Variants in NPAS3 observed in about 807,000 individuals in gnomAD.
The protein encoded by NPAS3 is neuronal PAS domain-containing protein 3.
A neutral mutation model predicts 73.1 loss-of-function variants in NPAS3; 14 were observed. The ratio of observed to expected loss-of-function variants is 0.19; its 90% CI spans 0.13 to 0.30. The LOEUF is 0.30. NPAS3 is among the 10% of genes least tolerant of loss of function. The pLI, the probability that NPAS3 is intolerant of heterozygous loss-of-function variation, is 1.00. For missense variants in NPAS3, 1,096 were observed against 1,250.0 expected, an observed-to-expected ratio of 0.88 and a Z score of 1.86; for synonymous variants, 620 against 541.5, an observed-to-expected ratio of 1.14 and a Z score of -2.01.
At chr14:33,658,875 G>A (rs544970054) in intron 5 of NPAS3, among the ~76,000 whole-genome samples, 6 of 151,976 alleles carry the variant, frequency 3.9e-5, no homozygotes, top group Non-Finnish European at 4.4e-5. Context: ...TATGCCGTAC[G>A]TTTGATTCTA....
chr14:33,394,632 G>T (rs2047146167), intron 4 of NPAS3, among the ~76,000 whole-genome samples: 1 of 152,018 alleles, frequency 6.6e-6, no homozygotes, highest in Non-Finnish European at 1.5e-5. Flanking sequence ...ATGTTAGCAG[G>T]ATCTACATGT....
At chr14:33,787,162 T>C (rs2063201926) in intron 9 of NPAS3, among the ~76,000 whole-genome samples, 2 of 152,170 alleles carry the variant, frequency 1.3e-5, no homozygotes, top group Admixed American at 1.3e-4. Context: ...TGAAAACAGC[T>C]CGTAAAATAC....
At chr14:33,186,677 G>C (rs181128773) in intron 2 of NPAS3, among the ~76,000 whole-genome samples, 1 of 152,100 alleles carries the variant, frequency 6.6e-6, no homozygotes, top group Non-Finnish European at 1.5e-5. Context: ...CCCTGGATAG[G>C]GCTGTATCCT....
Position 33,591,790 on chromosome 14 carries a change from C to T in NPAS3, c.558+31580C>T, listed in dbSNP as rs535540545. 2.2e-4 allele frequency among the ~76,000 whole-genome samples: 33 copies of T among 152,226 alleles called. No individual in the cohort carries two copies. In the South Asian group the frequency reaches 3.3e-3, roughly 15 times the overall value. On this transcript the variant is annotated intron_variant, in intron 5 of 11. Transcript: ENST00000356141. ...ATCCTCATTTTCTTCTTGAGGGAAACGTATGTAACATACCCTTTAACTTGG... is the reference window on the plus strand; with the variant it reads ...ATCCTCATTTTCTTCTTGAGGGAAATGTATGTAACATACCCTTTAACTTGG...
At chr14:33,179,389 A>C (rs542665656) in intron 2 of NPAS3, among the ~76,000 whole-genome samples, 1 of 152,214 alleles carries the variant, frequency 6.6e-6, no homozygotes, top group Admixed American at 6.5e-5. Flanking sequence ...AATTTTATCT[A>C]TAATGTTAGA....
At chr14:33,294,495 C>T (rs1489349706) in intron 3 of NPAS3, among the ~76,000 whole-genome samples, 1 of 152,114 alleles carries the variant, frequency 6.6e-6, no homozygotes, top group South Asian at 2.1e-4. Context: ...CATAACTCTT[C>T]TAATTATACA....
In NPAS3 at chr14:33,698,934, G is replaced by A. The variant is rs111565628; in HGVS notation, c.733+22549G>A. On this transcript the variant is annotated intron_variant, in intron 6 of 11. Transcript: ENST00000356141. ...AACCCAGTTTTCAAGCTATCCAGCA[G>A]AAAAGGGAAAGGGGCAGAACACATA... is the stretch of plus-strand genomic sequence containing the variant. Among the ~76,000 whole-genome samples, 791 of 152,300 alleles carry A rather than the reference G, an allele frequency of 5.2e-3. 5 individuals are homozygous for A. The highest frequency in any genetic ancestry group is 0.018 in the African/African-American group (751 of 41,564).
At chr14:33,691,666 C>A (rs905306048) in intron 6 of NPAS3, among the ~76,000 whole-genome samples, 1 of 152,118 alleles carries the variant, frequency 6.6e-6, no homozygotes, top group Admixed American at 6.5e-5. Flanking sequence ...ACTTTAATTT[C>A]AAATTAATTC....
chr14:33,271,197 G>T (rs1305661665), intron 3 of NPAS3, among the ~76,000 whole-genome samples: 1 of 152,182 alleles, frequency 6.6e-6, no homozygotes, highest in African/African-American at 2.4e-5. Context: ...TCTCTGTTCC[G>T]ATTCTTCTTG....
intron 5 of NPAS3, among the ~76,000 whole-genome samples, chr14:33,670,992 C>G (rs75491962): frequency 1.3e-5 from 2 of 150,226 alleles, no homozygotes; most frequent in South Asian, 2.2e-4. Flanking sequence ...TTAAATGACC[C>G]TTTCTATTGA....
intron 6 of NPAS3, among the ~76,000 whole-genome samples, chr14:33,713,446 A>T (rs965337529): frequency 6.6e-6 from 1 of 152,114 alleles, no homozygotes; most frequent in East Asian, 1.9e-4. Flanking sequence ...TTTAAGCAAA[A>T]CTTCTCCCAG....
intron 1 of NPAS3, among the ~76,000 whole-genome samples, chr14:33,026,452 C>T (rs1257173701): frequency 3.9e-5 from 6 of 152,088 alleles, no homozygotes; most frequent in South Asian, 4.1e-4. Flanking sequence ...CAGTTAACTT[C>T]GGTTCATGTG....
chr14:32,959,677 C>G (rs2036827414), intron 1 of NPAS3, among the ~76,000 whole-genome samples: 1 of 152,178 alleles, frequency 6.6e-6, no homozygotes, highest in Non-Finnish European at 1.5e-5. Flanking sequence ...TGAATATACA[C>G]ATAGTGCTGG....
At chr14:33,353,874 C>G (rs1355934162) in intron 3 of NPAS3, among the ~76,000 whole-genome samples, 1 of 152,112 alleles carries the variant, frequency 6.6e-6, no homozygotes, top group African/African-American at 2.4e-5. Context: ...ATTCAGGCAG[C>G]TTTCCCTATC....
rs1349390926 is a variant in NPAS3 at position 32,958,455 on chromosome 14, CT to C, written c.50+19091del. On this transcript the variant is annotated intron_variant, in intron 1 of 11. Coordinates refer to ENST00000356141, the Ensembl canonical transcript of NPAS3. ...TTTTTGAGATACTCTGATCCCTGGA[CT>C]TCCATGATGCCATGCTTTTCTGGTA... Among the ~76,000 whole-genome samples, 6 of 152,336 alleles carry C rather than the reference CT, an allele frequency of 3.9e-5. 1 individual carries two copies. The highest frequency in any genetic ancestry group is 8.8e-5 in the Non-Finnish European group (6 of 68,034).
chr14:33,461,825 C>T (rs1594951620), intron 4 of NPAS3, among the ~76,000 whole-genome samples: 1 of 152,346 alleles, frequency 6.6e-6, no homozygotes, highest in African/African-American at 2.4e-5. Flanking sequence ...CCTGCTCTAC[C>T]ATTTCCTCTG....
At chr14:33,097,118 C>T (rs1485649080) in intron 2 of NPAS3, among the ~76,000 whole-genome samples, 2 of 152,080 alleles carry the variant, frequency 1.3e-5, no homozygotes, top group Non-Finnish European at 2.9e-5. Context: ...TGGTTCATGC[C>T]TGTAATCCCA....
intron 5 of NPAS3, among the ~76,000 whole-genome samples, chr14:33,645,911 C>G (rs1293879782): frequency 6.6e-6 from 1 of 152,186 alleles, no homozygotes; most frequent in African/African-American, 2.4e-5. Context: ...TCATTGAGGG[C>G]CGTCACACCA....
chr14:33,682,364 CT>C (rs977826387), intron 6 of NPAS3, among the ~76,000 whole-genome samples: 5 of 152,190 alleles, frequency 3.3e-5, no homozygotes, highest in Non-Finnish European at 4.4e-5. Flanking sequence ...ACTACTAATC[CT>C]TTTGTGTAAC....
Sources: allele counts gnomAD v4.1 joint callset (sites outside exome capture counted in the v4.1 genomes callset), GRCh38; gene constraint gnomAD v4.1.1; transcripts MANE v1.5; gene names NCBI Gene and HGNC (gene_info 2026-07-23, HGNC 2026-07-21).